Variants in SLC14A1 observed in about 807,000 individuals in gnomAD.
The protein encoded by SLC14A1 is urea transporter 1.
Under a neutral mutation model 39.6 loss-of-function variants are expected in SLC14A1, and 36 were observed. That is an observed-to-expected ratio of 0.91 (90% CI 0.70 to 1.20). The LOEUF (loss-of-function observed/expected upper bound fraction) is 1.20, where lower values mean the gene tolerates loss of function less well. Ranked by LOEUF, SLC14A1 falls within the 50% of genes most tolerant of loss-of-function variation. The pLI is 0.00. For missense variants in SLC14A1, 469 were observed against 478.7 expected, an observed-to-expected ratio of 0.98 and a Z score of 0.19; for synonymous variants, 164 against 173.6, an observed-to-expected ratio of 0.94 and a Z score of 0.43.
chr18:45,740,466 A>G (rs1243343044), intron 8 of SLC14A1, among the ~76,000 whole-genome samples: 1 of 150,674 alleles, frequency 6.6e-6, no homozygotes, highest in Non-Finnish European at 1.5e-5. Context: ...TCTCATTCTG[A>G]GCCAAGATCG....
intron 5 of SLC14A1, 82 bp from the exon 6 acceptor site, chr18:45,736,374 C>A: frequency 7.1e-7 from 1 of 1,405,902 alleles, no homozygotes; most frequent in Non-Finnish European, 1.0e-6. Context: ...GCAGGTGAAA[C>A]AAAGCCCCTC....
At chr18:45,730,893 TAAAG>T (rs1297087473) in intron 3 of SLC14A1, 118 bp from the exon 4 acceptor site, 20 of 874,752 alleles carry the variant, frequency 2.3e-5, no homozygotes, top group Non-Finnish European at 3.4e-5. Context: ...AGAGAAATAT[TAAAG>T]AAATATCAAA....
chr18:45,726,767 G>C (rs190000183), intron 2 of SLC14A1: 11 of 153,846 alleles, frequency 7.2e-5, no homozygotes, highest in Admixed American at 7.1e-4. Flanking sequence ...AGAAAACAGA[G>C]CCCACATCAT....
Position 45,749,851 on chromosome 18 carries a change from C to T in SLC14A1, c.1070C>T (p.Ser357Phe). ...LLFLIMTTKN[S>F]NIYKMPLSKV... is the part of the protein sequence containing the mutation. ...TTCCTCATCATGACCACAAAAAATT[C>T]CAACATCTACAAGATGCCCCTCAGT... The change falls in exon 10 of 10, where the codon TCC (serine) becomes TTC (phenylalanine). Residue 357 changes from serine to phenylalanine, a missense_variant. Transcript: ENST00000321925. 1.2e-6 allele frequency: 2 copies of T among 1,614,112 alleles called. No homozygotes were observed. Among genetic ancestry groups the T allele is most frequent in the Non-Finnish European group, 1.7e-6 (2 of 1,180,006 alleles).
At chr18:45,727,098 C>T (rs1434916057) in intron 2 of SLC14A1, 61 of 617,232 alleles carry the variant, frequency 9.9e-5, no homozygotes, top group Non-Finnish European at 2.0e-5. Flanking sequence ...AAGGCAAAGT[C>T]CTCCTTCTTC....
chr18:45,738,329 A>AG (rs1228581864), intron 6 of SLC14A1, among the ~76,000 whole-genome samples: 1 of 152,210 alleles, frequency 6.6e-6, no homozygotes, highest in Non-Finnish European at 1.5e-5. Context: ...CTTGCTCAAA[A>AG]GGGACATGCT....
chr18:45,751,272 G>T lies in SLC14A1; in HGVS notation c.*1321G>T. On this transcript the variant is annotated 3_prime_UTR_variant, in exon 10 of 10. Coordinates refer to ENST00000321925, the MANE Select transcript of SLC14A1 (RefSeq NM_015865.7). ...GGAAAATGACTTGAGCCCAGGAGGA[G>T]GAGGCTGCAGTGAGCTAAGATTGCA... The T allele has an allele frequency of 1.7e-6, 1 of 579,824 alleles. No homozygotes were observed. Among genetic ancestry groups the T allele is most frequent in the Non-Finnish European group, 2.2e-6 (1 of 461,386 alleles). 35.9% of individuals were successfully genotyped at this position (579,824 alleles called of 1,614,324 possible).
At chr18:45,746,329 C>G (rs1002842765) in intron 8 of SLC14A1, among the ~76,000 whole-genome samples, 3 of 152,154 alleles carry the variant, frequency 2.0e-5, no homozygotes, top group African/African-American at 7.2e-5. Context: ...CAGAATTGCG[C>G]CTCTACTGTA....
chr18:45,735,984 C>A (rs1299632603), intron 5 of SLC14A1, among the ~76,000 whole-genome samples: 1 of 152,160 alleles, frequency 6.6e-6, no homozygotes, highest in African/African-American at 2.4e-5. Flanking sequence ...TCATTTTCCT[C>A]CAGCTCACAC....
chr18:45,724,818 G>A (rs28994270), intron 1 of SLC14A1, 132 bp from the exon 2 acceptor site: 3,048 of 152,198 alleles, frequency 0.02, 42 homozygotes, highest in South Asian at 0.045. Flanking sequence ...CCACGAATTT[G>A]GCAGCTTCCT....
intron 9 of SLC14A1, 142 bp from the exon 10 acceptor site, chr18:45,749,636 T>A: frequency 1.1e-6 from 1 of 940,022 alleles, no homozygotes; most frequent in Non-Finnish European, 1.7e-6. Flanking sequence ...AAATTCAGTC[T>A]CCACGAGCAT....
intron 8 of SLC14A1, among the ~76,000 whole-genome samples, chr18:45,744,841 C>G (rs1235028349): frequency 6.6e-6 from 1 of 152,154 alleles, no homozygotes; most frequent in Non-Finnish European, 1.5e-5. Context: ...TATTTTCCAT[C>G]TATCTTTTCC....
Position 45,724,212 on chromosome 18 carries a change from TGG to T in SLC14A1, c.-146_-145del, listed in dbSNP as rs2046803023. 1.3e-5 allele frequency: 2 copies of T among 152,256 alleles called. No individual in the cohort carries two copies. Among genetic ancestry groups the T allele is most frequent in the Non-Finnish European group, 2.9e-5 (2 of 68,054 alleles). The allele number at this position is 152,256 out of a possible 1,614,324, so 9.4% of individuals were successfully genotyped here. On this transcript the variant is annotated 5_prime_UTR_variant, in exon 1 of 10. Coordinates refer to ENST00000321925, the MANE Select transcript of SLC14A1 (RefSeq NM_015865.7). ...TCCTGAGAAGCACTCTCCCTTGTCG[TGG>T]AGGTGGGCAAATCTTTATCAGCCAC...
chr18:45,727,458 G>C (rs1298876876), intron 2 of SLC14A1: 9 of 1,520,198 alleles, frequency 5.9e-6, no homozygotes, highest in Non-Finnish European at 8.0e-6. Context: ...GGGGAACCTG[G>C]GAGCCTGCTC....
chr18:45,745,302 T>C (rs1336658725), intron 8 of SLC14A1, among the ~76,000 whole-genome samples: 1 of 152,168 alleles, frequency 6.6e-6, no homozygotes, highest in Admixed American at 6.5e-5. Context: ...TGGTATTTGC[T>C]CTCCTGGGAT....
intron 5 of SLC14A1, 65 bp from the exon 6 acceptor site, chr18:45,736,391 A>G (rs1007827257): frequency 2.0e-6 from 3 of 1,505,822 alleles, no homozygotes; most frequent in African/African-American, 2.8e-5. Flanking sequence ...CCTCCAGAGT[A>G]TAGCGATTCC....
At chr18:45,728,997 T>A (rs376249116) in intron 2 of SLC14A1, 4 of 152,252 alleles carry the variant, frequency 2.6e-5, no homozygotes, top group African/African-American at 9.6e-5. Flanking sequence ...CAACTTTTTT[T>A]AATAGGTATA....
chr18:45,750,545 T>C lies in SLC14A1; in HGVS notation c.*594T>C. On this transcript the variant is annotated 3_prime_UTR_variant, in exon 10 of 10. Coordinates refer to ENST00000321925, the MANE Select transcript of SLC14A1 (RefSeq NM_015865.7). ...CCCTTGTGTGTGTGACATTCTCTCATGGGACAATGTTGGGGTTTTTCAGAC... is the reference window on the plus strand; with the variant it reads ...CCCTTGTGTGTGTGACATTCTCTCACGGGACAATGTTGGGGTTTTTCAGAC... The C allele has an allele frequency of 1.0e-6, 1 of 989,170 alleles. No individual in the cohort carries two copies. Among genetic ancestry groups the C allele is most frequent in the Non-Finnish European group, 1.2e-6 (1 of 832,176 alleles). 61.3% of individuals were successfully genotyped at this position (989,170 alleles called of 1,614,324 possible). A position where few individuals can be genotyped will look rare whatever the true frequency, so the allele number is the denominator to read the frequency against.
chr18:45,727,048 G>A, intron 2 of SLC14A1: 1 of 506,090 alleles, frequency 2.0e-6, no homozygotes. Context: ...AATTTCCATA[G>A]TCAGCTGCTG....
Sources: gnomAD v4.1 joint callset for allele counts (sites outside exome capture counted in the v4.1 genomes callset) on GRCh38, gnomAD v4.1.1 for gene constraint, MANE v1.5 for transcripts, NCBI Gene and HGNC (gene_info 2026-07-23, HGNC 2026-07-21) for gene names.